The following MYH10 variants were observed in gnomAD, a reference collection of about 807,000 sequenced individuals.
MYH10 encodes myosin heavy chain 10.
In MYH10, 55 loss-of-function variants were observed where a neutral mutation model predicts 257.8. The ratio of observed to expected loss-of-function variants is 0.21; its 90% CI spans 0.17 to 0.27. MYH10 has a LOEUF of 0.27. Ranked by LOEUF, MYH10 falls within the 10% of genes least tolerant of loss-of-function variation. MYH10 has a pLI of 1.00. For synonymous variants in MYH10, 854 were observed against 921.7 expected (o/e 0.93, Z 1.33); for missense variants, 1,631 against 2,500.6 (o/e 0.65, Z 7.42).
chr17:8,478,817 G>A (rs919745383), intron 40 of MYH10, among the ~76,000 whole-genome samples: 7 of 152,138 alleles, frequency 4.6e-5, no homozygotes, highest in East Asian at 1.9e-4. Context: ...TGCAACCTCC[G>A]CCTCCTGGGT....
At chr17:8,630,234 A>G (rs1399347464) in intron 1 of MYH10, among the ~76,000 whole-genome samples, 1 of 147,654 alleles carries the variant, frequency 6.8e-6, no homozygotes, top group East Asian at 2.1e-4. Flanking sequence ...CCGCCGGGAC[A>G]CTAGCCCCTC....
At chr17:8,583,800 T>A (rs2083799156) in intron 4 of MYH10, among the ~76,000 whole-genome samples, 1 of 152,222 alleles carries the variant, frequency 6.6e-6, no homozygotes, top group Non-Finnish European at 1.5e-5. Context: ...ACATCGACTG[T>A]CACATCTTAA....
At chr17:8,559,706 T>C (rs2151978775) in intron 7 of MYH10, among the ~76,000 whole-genome samples, 1 of 152,352 alleles carries the variant, frequency 6.6e-6, no homozygotes, top group Non-Finnish European at 1.5e-5. Flanking sequence ...ATTTTGTCTT[T>C]GTTTTTTGGA....
At position 8,504,648 on chromosome 17, in the gene MYH10, G is replaced by A. The variant is rs764647096; in HGVS notation, c.3599+46C>T. On this transcript the variant is annotated intron_variant, in intron 28 of 42. Transcript: ENST00000360416. This position sits in a 1 kb window ranked among gnomAD's most constrained non-coding sequence, Gnocchi z 5.6. Reference sequence around the variant, plus strand: ...CAGGCATTTCTGCACGGGCTCGGTGGAGAGGTCGGCAGGCGCCCGGGCCCT... The same window carrying A: ...CAGGCATTTCTGCACGGGCTCGGTGAAGAGGTCGGCAGGCGCCCGGGCCCT... 1.3e-6 allele frequency: 2 copies of A among 1,555,190 alleles called. No individual in the cohort carries two copies. Among genetic ancestry groups the A allele is most frequent in the South Asian group, 2.3e-5 (2 of 88,702 alleles).
rs776715217 is a variant in MYH10, at chr17:8,506,281, A to T, written c.3386+37T>A. The T allele has an allele frequency of 5.2e-6, 8 of 1,535,216 alleles. No homozygotes were observed. Among genetic ancestry groups the T allele is most frequent in the Non-Finnish European group, 6.1e-6 (7 of 1,150,358 alleles). On this transcript the variant is annotated intron_variant, in intron 27 of 42. Coordinates refer to ENST00000360416, the MANE Select transcript of MYH10 (RefSeq NM_001256012.3). This position sits in a 1 kb window ranked among gnomAD's most constrained non-coding sequence, Gnocchi z 5.0. ...ACAAAGTCTGCTGAAACTCAGCCCC[A>T]TGGGCTCCCGTGCAGCGCAGCTGCT... is the stretch of plus-strand genomic sequence containing the variant.
intron 3 of MYH10, among the ~76,000 whole-genome samples, chr17:8,590,397 C>T (rs2084079629): frequency 2.0e-5 from 3 of 152,018 alleles, no homozygotes; most frequent in Admixed American, 6.5e-5. Context: ...ACTGCAACCT[C>T]CGTCTCCTCG....
chr17:8,533,731 C>T (rs2082066282), intron 16 of MYH10, among the ~76,000 whole-genome samples: 1 of 152,166 alleles, frequency 6.6e-6, no homozygotes, highest in Non-Finnish European at 1.5e-5. Flanking sequence ...CTGTTGCACA[C>T]CCCTAAAAAT....
intron 3 of MYH10, among the ~76,000 whole-genome samples, chr17:8,598,267 T>C (rs1192649191): frequency 1.3e-5 from 2 of 152,232 alleles, no homozygotes; most frequent in African/African-American, 4.8e-5. Flanking sequence ...GTTTTCCACC[T>C]TATTTTGAGT....
intron 19 of MYH10, among the ~76,000 whole-genome samples, chr17:8,520,571 T>A (rs979714042): frequency 6.6e-6 from 1 of 152,242 alleles, no homozygotes; most frequent in African/African-American, 2.4e-5. Flanking sequence ...GAGTAAACTG[T>A]AAGCTTTCAG....
intron 3 of MYH10, among the ~76,000 whole-genome samples, chr17:8,601,772 G>A (rs1284878288): frequency 6.6e-6 from 1 of 152,026 alleles, no homozygotes; most frequent in Non-Finnish European, 1.5e-5. Flanking sequence ...TATGTGCCAG[G>A]CACACAACTG....
intron 4 of MYH10, among the ~76,000 whole-genome samples, chr17:8,581,641 T>TATA (rs1369727631): frequency 6.6e-6 from 1 of 152,178 alleles, no homozygotes. Flanking sequence ...CCCAAGAGGA[T>TATA]AGATTATGGG....
intron 34 of MYH10, among the ~76,000 whole-genome samples, chr17:8,491,473 C>T (rs908671728): frequency 1.3e-5 from 2 of 152,200 alleles, no homozygotes; most frequent in Non-Finnish European, 2.9e-5. Flanking sequence ...GGACCACCTT[C>T]GCTGACTTAT....
At chr17:8,519,918 T>C (rs1322124923) in intron 19 of MYH10, among the ~76,000 whole-genome samples, 2 of 152,236 alleles carry the variant, frequency 1.3e-5, no homozygotes, top group Non-Finnish European at 2.9e-5. Context: ...CCACTGCAAG[T>C]TGATAGATCT....
At chr17:8,529,407 T>C (rs533457003) in intron 17 of MYH10, among the ~76,000 whole-genome samples, 1 of 152,320 alleles carries the variant, frequency 6.6e-6, no homozygotes, top group African/African-American at 2.4e-5. Flanking sequence ...GGGCACTCAC[T>C]TTAGGAGAAA....
intron 7 of MYH10, chr17:8,561,275 G>A (rs925753341): frequency 2.9e-6 from 3 of 1,019,296 alleles, no homozygotes; most frequent in Non-Finnish European, 3.1e-6. Context: ...AAAGGGCCGC[G>A]GCCACGTGCA....
chr17:8,574,863 G>A (rs991004532), intron 6 of MYH10, among the ~76,000 whole-genome samples: 1 of 152,204 alleles, frequency 6.6e-6, no homozygotes, highest in Non-Finnish European at 1.5e-5. Context: ...CCAGCAGGGG[G>A]AGAAGTAACT....
chr17:8,557,297 T>C (rs2082836765), intron 7 of MYH10, among the ~76,000 whole-genome samples: 1 of 152,056 alleles, frequency 6.6e-6, no homozygotes, highest in Non-Finnish European at 1.5e-5. Context: ...ACTCACCCCA[T>C]TTTCCTATTA....
rs184110247 is a variant in MYH10, at chr17:8,552,800, G to T, written c.821-656C>A. Among the ~76,000 whole-genome samples, 12 of 152,282 alleles carry T rather than the reference G, an allele frequency of 7.9e-5. No homozygotes were observed. Among genetic ancestry groups the T allele is most frequent in the Admixed American group, 7.8e-4 (12 of 15,300 alleles). ...CTTCCCTCTGCTGCTCTGAAGAACC[G>T]GTGCGGCCAGTACCTACGCCTGCTG... On this transcript the variant is annotated intron_variant, in intron 8 of 42. Coordinates refer to ENST00000360416, the MANE Select transcript of MYH10 (RefSeq NM_001256012.3). The surrounding 1 kb of genome is among the most constrained non-coding windows in gnomAD (Gnocchi z 4.8).
At chr17:8,550,338 C>A (rs1399717189) in intron 9 of MYH10, among the ~76,000 whole-genome samples, 1 of 151,870 alleles carries the variant, frequency 6.6e-6, no homozygotes, top group African/African-American at 2.4e-5. Context: ...CTCTGCCCCG[C>A]CGCCCCGTCT....
Sources: gnomAD v4.1 joint callset for allele counts (sites outside exome capture counted in the v4.1 genomes callset) on GRCh38, gnomAD v4.1.1 for gene constraint, Gnocchi (gnomAD v3.1) non-coding constraint, MANE v1.5 for transcripts, NCBI Gene and HGNC (gene_info 2026-07-23, HGNC 2026-07-21) for gene names.